ELL2: variants seen among roughly 807,000 people sequenced by gnomAD.
ELL2 encodes RNA polymerase II elongation factor ELL2.
A neutral mutation model predicts 72.8 loss-of-function variants in ELL2; 21 were observed. The ratio of observed to expected loss-of-function variants is 0.29; its 90% CI spans 0.20 to 0.42. The LOEUF is 0.42. Among genes scored for constraint, ELL2 ranks in the 10% least tolerant of loss-of-function variants. The pLI is 1.00. For synonymous variants in ELL2, 266 were observed against 283.2 expected, an observed-to-expected ratio of 0.94 and a Z score of 0.61; for missense variants, 568 against 772.8, an observed-to-expected ratio of 0.73 and a Z score of 3.14.
At position 95,927,806 on chromosome 5, in the gene ELL2, TATGTGTGTATATAGACATAC is replaced by T. The variant is rs1200866931; in HGVS notation, c.196-8281_196-8262del. 1.4e-4 allele frequency among the ~76,000 whole-genome samples: 14 copies of T among 101,352 alleles called. 4 individuals are homozygous for T. The South Asian group carries it at 1.7e-3, about 12-fold the overall frequency. 66.5% of individuals were successfully genotyped at this position (101,352 alleles called of 152,430 possible). ...GTGTATATAGACATACACACACACA[TATGTGTGTATATAGACATAC>T]ACACACACATATGTGTGTATATTTT... is the stretch of plus-strand genomic sequence containing the variant. On this transcript the variant is annotated intron_variant, in intron 2 of 11. Coordinates refer to ENST00000237853, the MANE Select transcript of ELL2 (RefSeq NM_012081.6).
rs1434618078 is a variant in ELL2 at position 95,931,812 on chromosome 5, A to AAAAT, written c.195+11189_195+11190insATTT. 6.0e-5 allele frequency among the ~76,000 whole-genome samples: 9 copies of AAAAT among 149,878 alleles called. 1 individual carries two copies. The highest frequency in any genetic ancestry group is 2.2e-4 in the African/African-American group (9 of 40,992). On this transcript the variant is annotated intron_variant, in intron 2 of 11. Coordinates refer to ENST00000237853, the MANE Select transcript of ELL2 (RefSeq NM_012081.6). The stretch of plus-strand genomic sequence containing the variant: ...CCCTATCCATAAAAAAAAAAAAAAA[A>AAAAT]AAAAAAAAATACTGCTTTCAGATTC...
At chr5:95,907,297 T>TA (rs1554075688) in intron 4 of ELL2, among the ~76,000 whole-genome samples, 7,984 of 79,784 alleles carry the variant, frequency 0.1, 585 homozygotes, top group East Asian at 0.56. Flanking sequence ...TATATATATA[T>TA]TTTTTTTTTT....
intron 1 of ELL2, among the ~76,000 whole-genome samples, chr5:95,952,867 C>T (rs1054863688): frequency 2.2e-4 from 34 of 152,048 alleles, no homozygotes; most frequent in Admixed American, 2.2e-3. Flanking sequence ...TAGAGACCTC[C>T]AACATTCAGA....
chr5:95,901,130 C>A, intron 5 of ELL2, 50 bp from the exon 6 acceptor site: 1 of 1,551,526 alleles, frequency 6.4e-7, no homozygotes, highest in Non-Finnish European at 8.6e-7. Flanking sequence ...CTATCATCTC[C>A]TAACCTAAAA....
intron 7 of ELL2, 91 bp downstream of exon 7, chr5:95,900,602 G>A (rs983974565): frequency 3.1e-5 from 29 of 930,214 alleles, no homozygotes; most frequent in Admixed American, 2.0e-4. Context: ...CAGCTTCTCC[G>A]GGTCTCATTT....
chr5:95,900,704 A>G lies in ELL2; in HGVS notation c.943T>C (p.Ser315Pro), dbSNP rs142574649. 1.7e-4 allele frequency: 265 copies of G among 1,597,270 alleles called. No homozygotes were observed. Among genetic ancestry groups the G allele is most frequent in the Non-Finnish European group, 2.1e-4 (251 of 1,172,444 alleles). The change falls in exon 7 of 12, where the codon TCT becomes CCT. Residue 315 changes from serine (S) to proline (P), a missense_variant. Around this residue, in one of 2 missense-constraint regions of ELL2, gnomAD observed 511 missense variants for 728.4 expected, o/e 0.70. Transcript: ENST00000237853. ...TGTTTATGACATACCTGAGGAGAAG[A>G]TACAGCGTCTCTACTAGAACATACA... ...SPVCSSRDAV[S>P]SPQKRLLDSE...
rs749944628 is a variant in ELL2, at chr5:95,898,303, C to T, written c.1462G>A (p.Glu488Lys). 3 of 1,612,800 alleles carry T rather than the reference C, an allele frequency of 1.9e-6. No homozygotes were observed. The highest frequency in any genetic ancestry group is 2.5e-6 in the Non-Finnish European group (3 of 1,179,682). ...ATTTCCTCTTCTCTCTTAAGATCTT[C>T]CTCCTTTTCCTCAATAGTCTCAATG... ...HDIETIEEKE[E>K]DLKREEEIAK... The change falls in exon 8 of 12, where the codon GAA becomes AAA. Residue 488 changes from glutamate (E) to lysine (K), a missense_variant. Around this residue, in one of 2 missense-constraint regions of ELL2, gnomAD observed 511 missense variants for 728.4 expected, o/e 0.70. Transcript: ENST00000237853.
chr5:95,941,063 G>A (rs1750951449), intron 2 of ELL2, among the ~76,000 whole-genome samples: 4 of 152,048 alleles, frequency 2.6e-5, no homozygotes, highest in Admixed American at 2.6e-4. Context: ...GAAAAGAGTG[G>A]GGGGTTGAGA....
intron 3 of ELL2, among the ~76,000 whole-genome samples, chr5:95,917,011 A>T (rs1282104432): frequency 1.3e-5 from 2 of 152,236 alleles, no homozygotes; most frequent in East Asian, 3.8e-4. Flanking sequence ...TGTAGGCAAG[A>T]AGGTACTCTC....
intron 2 of ELL2, among the ~76,000 whole-genome samples, chr5:95,922,375 T>TAA (rs766700586): frequency 1.4e-4 from 22 of 152,240 alleles, no homozygotes; most frequent in Non-Finnish European, 2.8e-4. Flanking sequence ...ATTGCATTTT[T>TAA]AAAAGGTTGA....
intron 9 of ELL2, among the ~76,000 whole-genome samples, chr5:95,893,863 C>T (rs999711442): frequency 4.6e-5 from 7 of 151,958 alleles, no homozygotes; most frequent in Non-Finnish European, 8.8e-5. Flanking sequence ...ATAAATTAAG[C>T]GAACAATCAC....
At chr5:95,898,129 A>T in intron 8 of ELL2, 111 bp downstream of exon 8, 1 of 970,830 alleles carries the variant, frequency 1.0e-6, no homozygotes, top group Non-Finnish European at 1.5e-6. Flanking sequence ...GCACAACACT[A>T]AGATTAATAA....
At chr5:95,925,421 G>A (rs1750248140) in intron 2 of ELL2, among the ~76,000 whole-genome samples, 1 of 152,182 alleles carries the variant, frequency 6.6e-6, no homozygotes, top group Non-Finnish European at 1.5e-5. Context: ...ATGGCTGTCT[G>A]AAACACTCAT....
intron 4 of ELL2, among the ~76,000 whole-genome samples, chr5:95,907,715 T>C (rs1306227153): frequency 1.3e-5 from 2 of 152,240 alleles, no homozygotes; most frequent in Admixed American, 1.3e-4. Context: ...TGGAATCTTT[T>C]AGCTTGTTTA....
intron 2 of ELL2, among the ~76,000 whole-genome samples, chr5:95,941,334 G>C (rs1456687822): frequency 6.6e-6 from 1 of 152,164 alleles, no homozygotes; most frequent in East Asian, 1.9e-4. Flanking sequence ...TGGACACATG[G>C]AACAGGAAAG....
chr5:95,909,753 G>A (rs889940627), intron 4 of ELL2, among the ~76,000 whole-genome samples: 4 of 152,104 alleles, frequency 2.6e-5, no homozygotes, highest in Non-Finnish European at 5.9e-5. Flanking sequence ...CAACTAAATC[G>A]CTGTTTCATA....
At chr5:95,943,477 C>G (rs1002221955) in intron 1 of ELL2, among the ~76,000 whole-genome samples, 2 of 151,958 alleles carry the variant, frequency 1.3e-5, no homozygotes, top group African/African-American at 4.8e-5. Context: ...AACTGACCAA[C>G]ATGATTTGGC....
intron 2 of ELL2, among the ~76,000 whole-genome samples, chr5:95,938,064 C>G (rs1363031404): frequency 6.6e-6 from 1 of 152,090 alleles, no homozygotes; most frequent in Non-Finnish European, 1.5e-5. Context: ...TTTTGTTTTT[C>G]AAACCCAATC....
rs991704610 is a variant in ELL2, at chr5:95,898,649, G to T, written c.1116C>A (p.Ile372=). 6.2e-7 allele frequency: 1 copy of T among 1,612,718 alleles called. No homozygotes were observed. The highest frequency in any genetic ancestry group is 8.5e-7 in the Non-Finnish European group (1 of 1,179,276). Residue 372 remains isoleucine, a synonymous_variant, in exon 8 of 12, where the codon ATC becomes ATA. Transcript: ENST00000237853. ...GLPLPPAAAA[I]PTPPPLPSTY... is the part of the protein sequence containing the mutation. Reference sequence around the variant, plus strand: ...TTGAAGGCAGCGGTGGAGGGGTAGGGATGGCAGCAGCCGCAGGGGGCAGCG... The same window carrying T: ...TTGAAGGCAGCGGTGGAGGGGTAGGTATGGCAGCAGCCGCAGGGGGCAGCG...
Sources: allele counts gnomAD v4.1 joint callset (sites outside exome capture counted in the v4.1 genomes callset), GRCh38; gene constraint gnomAD v4.1.1; regional missense constraint gnomAD v4.1.1; transcripts MANE v1.5; gene names NCBI Gene and HGNC (gene_info 2026-07-23, HGNC 2026-07-21).